PLEKHG4B: variants seen among roughly 807,000 people sequenced by gnomAD.
PLEKHG4B encodes the protein pleckstrin homology domain-containing family G member 4B.
Under a neutral mutation model 121.3 loss-of-function variants are expected in PLEKHG4B, and 111 were observed. That is an observed-to-expected ratio of 0.92 (90% CI 0.78 to 1.07). The LOEUF (loss-of-function observed/expected upper bound fraction) is 1.07. Ranked by LOEUF, PLEKHG4B falls within the 50% of genes least tolerant of loss-of-function variation. The pLI is 0.00. For missense variants in PLEKHG4B, 1,831 were observed against 1,757.8 expected (o/e 1.04, Z -0.74); for synonymous variants, 738 against 725.0 (o/e 1.02, Z -0.29).
intron 13 of PLEKHG4B, among the ~76,000 whole-genome samples, chr5:165,685 C>T (rs868580083): frequency 3.0e-5 from 1 of 33,676 alleles, no homozygotes; most frequent in Non-Finnish European, 7.1e-5. Flanking sequence ...GGGGCTCACA[C>T]TAATGCTCTG....
In PLEKHG4B at chr5:171,414, G is replaced by A. The variant is rs759371038; in HGVS notation, c.4020G>A (p.Leu1340=). Residue 1340 remains leucine (L), a synonymous_variant, in exon 16 of 20, where the codon CTG becomes CTA. Transcript: ENST00000637938. ...VCFQLRHGND[L]LAMDAIRGCD... is the part of the protein sequence containing the mutation. ...TCCAGCTGCGTCACGGCAATGACCTGCTGGCCATGGACGCCATCCGCGGCT... is the reference window on the plus strand; with the variant it reads ...TCCAGCTGCGTCACGGCAATGACCTACTGGCCATGGACGCCATCCGCGGCT... 6.2e-7 allele frequency: 1 copy of A among 1,604,186 alleles called. No individual in the cohort carries two copies. The highest frequency in any genetic ancestry group is 8.5e-7 in the Non-Finnish European group (1 of 1,177,788).
In PLEKHG4B at chr5:181,696, CCTCA is replaced by C. The variant is rs541991900; in HGVS notation, c.4564+27_4564+30del. 246 of 1,604,560 alleles carry C rather than the reference CCTCA, an allele frequency of 1.5e-4. 2 individuals carry two copies. In the East Asian group the frequency reaches 4.8e-3, roughly 31 times the overall value. ...CACAGGTACGGTGGCTCGGTCCCGC[CCTCA>C]CTCACCCTGCAGAGGGCACTGGGCC... On this transcript the variant is annotated intron_variant, in intron 19 of 19. Coordinates refer to ENST00000637938, the MANE Select transcript of PLEKHG4B (RefSeq NM_052909.5).
Position 154,946 on chromosome 5 carries a change from C to T in PLEKHG4B, c.2064C>T (p.Asp688=), listed in dbSNP as rs764114059. 5.6e-6 allele frequency: 9 copies of T among 1,613,542 alleles called. No homozygotes were observed. Among genetic ancestry groups the T allele is most frequent in the East Asian group, 2.2e-5 (1 of 44,874 alleles). The change falls in exon 8 of 20, where the codon GAC becomes GAT. Residue 688 remains aspartate, a synonymous_variant. Coordinates refer to ENST00000637938, the MANE Select transcript of PLEKHG4B (RefSeq NM_052909.5). ...GCTGCCAGCTGACCGCAGACCTCGACGGCTCCTTTCCCTACAGCCATGGTG... is the reference window on the plus strand; with the variant it reads ...GCTGCCAGCTGACCGCAGACCTCGATGGCTCCTTTCCCTACAGCCATGGTG... ...VDSCQLTADL[D]GSFPYSHGDW...
intron 2 of PLEKHG4B, among the ~76,000 whole-genome samples, chr5:136,813 G>A (rs1734998436): frequency 6.6e-6 from 1 of 152,196 alleles, no homozygotes; most frequent in African/African-American, 2.4e-5. Context: ...CTTCAAAAGA[G>A]TGAACACAGA....
At chr5:181,366 TG>T (rs1303055362) in intron 18 of PLEKHG4B, 147 bp from the exon 19 acceptor site, 2 of 775,092 alleles carry the variant, frequency 2.6e-6, no homozygotes, top group South Asian at 2.0e-5. Context: ...CTCAGCACCC[TG>T]GCCCCCCATG....
chr5:162,925 G>A lies in PLEKHG4B; in HGVS notation c.2853G>A (p.Arg951=), dbSNP rs769429661. ...QDLWLQYPQT[R]LRLEEALSEA... is the part of the protein sequence containing the mutation. Reference sequence around the variant, plus strand: ...TGTGGCTGCAGTACCCCCAGACCCGGCTCCGTCTGGAAGAGGCCCTTTCTG... The same window carrying A: ...TGTGGCTGCAGTACCCCCAGACCCGACTCCGTCTGGAAGAGGCCCTTTCTG... Residue 951 remains arginine (R), a synonymous_variant, in exon 13 of 20, where the codon CGG becomes CGA. Transcript: ENST00000637938. The A allele has an allele frequency of 6.5e-7, 1 of 1,544,902 alleles. No homozygotes were observed. Among genetic ancestry groups the A allele is most frequent in the Non-Finnish European group, 8.7e-7 (1 of 1,145,216 alleles).
At chr5:143,729 C>T (rs1336452980) in intron 5 of PLEKHG4B, among the ~76,000 whole-genome samples, 1 of 152,252 alleles carries the variant, frequency 6.6e-6, no homozygotes, top group African/African-American at 2.4e-5. Flanking sequence ...CAATTAAACA[C>T]ACCTGGCTAC....
intron 12 of PLEKHG4B, 117 bp downstream of exon 12, chr5:162,061 A>T: frequency 7.6e-7 from 1 of 1,319,042 alleles, no homozygotes; most frequent in Non-Finnish European, 1.0e-6. Context: ...GAGGCCGGGC[A>T]CCTGCGATGG....
At chr5:170,554 C>T (rs1736509805) in intron 14 of PLEKHG4B, among the ~76,000 whole-genome samples, 1 of 152,176 alleles carries the variant, frequency 6.6e-6, no homozygotes, top group Admixed American at 6.5e-5. Context: ...CCCGCTTCAG[C>T]CTCCCAAAGT....
chr5:165,031 G>A (rs750347215), intron 13 of PLEKHG4B, among the ~76,000 whole-genome samples: 5 of 85,724 alleles, frequency 5.8e-5, no homozygotes, highest in African/African-American at 9.2e-5. Context: ...CTGACAGGGC[G>A]GAGCTCACAC....
At chr5:173,628 T>A (rs1365284506) in intron 17 of PLEKHG4B, among the ~76,000 whole-genome samples, 1 of 145,820 alleles carries the variant, frequency 6.9e-6, no homozygotes, top group Non-Finnish European at 1.5e-5. Context: ...ATGAGCAGCA[T>A]TGCACACAGG....
chr5:130,439 A>T (rs1401331674), intron 2 of PLEKHG4B, among the ~76,000 whole-genome samples: 1 of 152,246 alleles, frequency 6.6e-6, no homozygotes, highest in Admixed American at 6.5e-5. Flanking sequence ...AGGGAAGCTC[A>T]TCCCTTAACG....
At position 159,102 on chromosome 5, in the gene PLEKHG4B, C is replaced by T. The variant is rs536902056; in HGVS notation, c.2487+2191C>T. On this transcript the variant is annotated intron_variant, in intron 11 of 19. Coordinates refer to ENST00000637938, the MANE Select transcript of PLEKHG4B (RefSeq NM_052909.5). This position sits in a 1 kb window ranked among gnomAD's most constrained non-coding sequence, Gnocchi z 5.5. ...CGGTGGAAGCCACAGACTTTCCTGT[C>T]GTCCTCGGGGCTCTGGAATCTGAGG... Among the ~76,000 whole-genome samples the T allele has an allele frequency of 2.2e-4, 33 of 151,840 alleles. No individual in the cohort carries two copies. The highest frequency in any genetic ancestry group is 3.4e-3 in the Middle Eastern group (1 of 294).
At chr5:136,142 T>A (rs62344123) in intron 2 of PLEKHG4B, among the ~76,000 whole-genome samples, 1 of 152,136 alleles carries the variant, frequency 6.6e-6, no homozygotes, top group Admixed American at 6.5e-5. Context: ...GTAGGACCCT[T>A]ACCTAAACCC....
chr5:93,404 C>T (rs1049067417), intron 1 of PLEKHG4B, among the ~76,000 whole-genome samples: 3 of 152,100 alleles, frequency 2.0e-5, no homozygotes, highest in African/African-American at 7.2e-5. Flanking sequence ...GCCGCCGTCT[C>T]CGAGATTCTG....
intron 3 of PLEKHG4B, 126 bp from the exon 4 acceptor site, chr5:142,920 GT>G: frequency 2.2e-6 from 2 of 919,850 alleles, no homozygotes; most frequent in Non-Finnish European, 3.4e-6. Context: ...ACTGGGACAA[GT>G]TTTCTCGGAA....
At position 156,947 on chromosome 5, in the gene PLEKHG4B, T is replaced by TC; in HGVS notation, c.2487+40dup. 1.2e-6 allele frequency: 2 copies of TC among 1,606,120 alleles called. No individual in the cohort carries two copies. The highest frequency in any genetic ancestry group is 2.2e-5 in the South Asian group (2 of 89,196). On this transcript the variant is annotated intron_variant, in intron 11 of 19. Coordinates refer to ENST00000637938, the MANE Select transcript of PLEKHG4B (RefSeq NM_052909.5). This position sits in a 1 kb window ranked among gnomAD's most constrained non-coding sequence, Gnocchi z 4.4. ...CAGGAGGAAGGCGGCCCGGTCAGCATCCCCTCCAGGCCAGGCTGGCCAAGG... is the reference window on the plus strand; with the variant it reads ...CAGGAGGAAGGCGGCCCGGTCAGCATCCCCCTCCAGGCCAGGCTGGCCAAGG...
In PLEKHG4B at chr5:127,498, A is replaced by AT. The variant is rs937769975; in HGVS notation, c.244-11978dup. ...TCATTTTCTAATTTTCCTTGTATAC[A>AT]TTTTTTTAAAATGTCCTAGTGTTTA... On this transcript the variant is annotated intron_variant, in intron 2 of 19. Transcript: ENST00000637938. 5.3e-5 allele frequency among the ~76,000 whole-genome samples: 8 copies of AT among 151,880 alleles called. No individual in the cohort carries two copies. The East Asian group carries it at 5.8e-4, about 11-fold the overall frequency.
chr5:122,960 G>A (rs1210064021), intron 2 of PLEKHG4B, among the ~76,000 whole-genome samples: 3 of 152,162 alleles, frequency 2.0e-5, no homozygotes, highest in Non-Finnish European at 4.4e-5. Context: ...AGTAAATGTC[G>A]ATTTTTTACC....
Sources: allele counts gnomAD v4.1 joint callset (sites outside exome capture counted in the v4.1 genomes callset), GRCh38; gene constraint gnomAD v4.1.1; non-coding constraint Gnocchi (gnomAD v3.1); transcripts MANE v1.5; gene names NCBI Gene and HGNC (gene_info 2026-07-23, HGNC 2026-07-21).